FBXO11: variants seen among roughly 807,000 people sequenced by gnomAD.
FBXO11 encodes the protein F-box only protein 11.
FBXO11 carries 13 observed loss-of-function variants against 117.0 expected under a neutral mutation model. The observed-to-expected ratio is 0.11, with a 90% CI of 0.07 to 0.18. The LOEUF is 0.18. Among genes scored for constraint, FBXO11 ranks in the 10% least tolerant of loss-of-function variants. The probability of loss-of-function intolerance (pLI) is 1.00; values close to 1 mark genes in which losing one functional copy is unlikely to be tolerated. For missense variants in FBXO11, 767 were observed against 1,164.4 expected (o/e 0.66, Z 4.97); for synonymous variants, 490 against 380.5 (o/e 1.29, Z -3.35).
chr2:47,867,739 G>A (rs368585709), intron 1 of FBXO11, among the ~76,000 whole-genome samples: 10 of 151,972 alleles, frequency 6.6e-5, no homozygotes, highest in Non-Finnish European at 1.2e-4. Context: ...ATAAAGAACT[G>A]ACACACATTA....
At chr2:47,825,714 C>A (rs1671703523) in intron 11 of FBXO11, among the ~76,000 whole-genome samples, 1 of 151,770 alleles carries the variant, frequency 6.6e-6, no homozygotes, top group African/African-American at 2.4e-5. Context: ...GTAGCTGAGA[C>A]CACGGGTGCA....
intron 13 of FBXO11, among the ~76,000 whole-genome samples, chr2:47,821,019 G>C (rs1046975552): frequency 6.6e-5 from 10 of 152,134 alleles, no homozygotes. Context: ...TCTCTAATTA[G>C]CACAAAGTAT....
At chr2:47,846,114 G>C (rs1244702415) in intron 1 of FBXO11, among the ~76,000 whole-genome samples, 2 of 152,196 alleles carry the variant, frequency 1.3e-5, no homozygotes, top group Admixed American at 6.5e-5. Context: ...TCCAACCCAA[G>C]AAACACGAAA....
At chr2:47,830,776 C>G (rs1334226068) in intron 11 of FBXO11, among the ~76,000 whole-genome samples, 1 of 152,092 alleles carries the variant, frequency 6.6e-6, no homozygotes, top group Non-Finnish European at 1.5e-5. Context: ...AAGGGACCAT[C>G]CCATCACCAG....
chr2:47,896,731 G>C (rs888746210), intron 1 of FBXO11, among the ~76,000 whole-genome samples: 5 of 152,194 alleles, frequency 3.3e-5, no homozygotes, highest in African/African-American at 1.2e-4. Context: ...GTCTTTCAGA[G>C]AATTAATGAA....
chr2:47,818,888 A>G, intron 15 of FBXO11, 24 bp from the exon 16 acceptor site: 4 of 1,556,348 alleles, frequency 2.6e-6, no homozygotes, highest in Non-Finnish European at 3.5e-6. Context: ...AAAAAAAAAA[A>G]GCTTTTTCAA....
At position 47,807,093 on chromosome 2, in the gene FBXO11, C is replaced by T; in HGVS notation, c.*1025G>A. 1 of 516,070 alleles carries T rather than the reference C, an allele frequency of 1.9e-6. No homozygotes were observed. The highest frequency in any genetic ancestry group is 3.4e-6 in the Non-Finnish European group (1 of 291,376). 32.0% of individuals were successfully genotyped at this position (516,070 alleles called of 1,614,324 possible). A position where few individuals can be genotyped will look rare whatever the true frequency, so the allele number is the denominator to read the frequency against. Reference sequence around the variant, plus strand: ...ATACACTTTCAGGCTGTTTTATACCCACTGTCACCAATACACATAAATGGG... The same window carrying T: ...ATACACTTTCAGGCTGTTTTATACCTACTGTCACCAATACACATAAATGGG... On this transcript the variant is annotated 3_prime_UTR_variant, in exon 23 of 23. Transcript: ENST00000403359.
chr2:47,819,866 A>G (rs1279811164), intron 14 of FBXO11, among the ~76,000 whole-genome samples: 1 of 152,226 alleles, frequency 6.6e-6, no homozygotes, highest in Non-Finnish European at 1.5e-5. Context: ...GAAATTTCCT[A>G]CATTTTCTTA....
intron 1 of FBXO11, among the ~76,000 whole-genome samples, chr2:47,862,662 C>A (rs1398063738): frequency 6.6e-6 from 1 of 152,138 alleles, no homozygotes; most frequent in Non-Finnish European, 1.5e-5. Flanking sequence ...CTCTCTGGAT[C>A]ATCTTTTAGC....
At chr2:47,821,833 T>G (rs940165199) in intron 13 of FBXO11, among the ~76,000 whole-genome samples, 20 of 152,022 alleles carry the variant, frequency 1.3e-4, no homozygotes, top group African/African-American at 4.8e-4. Flanking sequence ...GACTCACACC[T>G]GCAATCCCAG....
At chr2:47,885,081 A>G (rs528013731) in intron 1 of FBXO11, among the ~76,000 whole-genome samples, 20 of 152,322 alleles carry the variant, frequency 1.3e-4, no homozygotes, top group African/African-American at 4.6e-4. Context: ...TATCAAATAA[A>G]TATTAACTGG....
chr2:47,854,559 CAA>C (rs1558444600), intron 1 of FBXO11, among the ~76,000 whole-genome samples: 1 of 151,960 alleles, frequency 6.6e-6, no homozygotes, highest in East Asian at 1.9e-4. Flanking sequence ...CTGGACAAGT[CAA>C]TTAACCTCTC....
At position 47,860,521 on chromosome 2, in the gene FBXO11, C is replaced by G. The variant is rs1674680152; in HGVS notation, c.233-20752G>C. ...CGCCTCCCAGGTTCAAGCAATTCTC[C>G]TGCCTTAGCATCCCAAGTAGCTGGG... On this transcript the variant is annotated intron_variant, in intron 1 of 22. Transcript: ENST00000403359. Among the ~76,000 whole-genome samples the G allele has an allele frequency of 3.9e-5, 6 of 151,956 alleles. No individual in the cohort carries two copies. The South Asian group carries it at 1.2e-3, about 32-fold the overall frequency.
At chr2:47,862,065 A>G (rs113001958) in intron 1 of FBXO11, among the ~76,000 whole-genome samples, 2,123 of 152,120 alleles carry the variant, frequency 0.014, 40 homozygotes, top group African/African-American at 0.046. Flanking sequence ...GGCGCACGCT[A>G]CCATGCCTGG....
In FBXO11 at chr2:47,838,891, G is replaced by A. The variant is rs778027742; in HGVS notation, c.555C>T (p.Arg185=). The A allele has an allele frequency of 1.2e-5, 20 of 1,613,806 alleles. No individual in the cohort carries two copies. Among genetic ancestry groups the A allele is most frequent in the African/African-American group, 2.7e-5 (2 of 74,944 alleles). Residue 185 remains arginine (R), a synonymous_variant, in exon 4 of 23, where the codon CGC becomes CGT. Coordinates refer to ENST00000403359, the MANE Select transcript of FBXO11 (RefSeq NM_001190274.2). The stretch of plus-strand genomic sequence containing the variant: ...TTGGATCATTAGCAAGTTCACTGAA[G>A]CGTTTACATACACAAGCTGCTCTAC... The part of the protein sequence containing the change: ...DLCRAACVCK[R]FSELANDPIL...
intron 1 of FBXO11, among the ~76,000 whole-genome samples, chr2:47,903,509 A>C (rs1010242692): frequency 2.6e-5 from 4 of 152,250 alleles, no homozygotes; most frequent in Admixed American, 6.5e-5. Context: ...ATAGAAATGA[A>C]AATAGACCTC....
chr2:47,903,800 G>A (rs76789493), intron 1 of FBXO11, among the ~76,000 whole-genome samples: 21,819 of 152,066 alleles, frequency 0.14, 1,699 homozygotes, highest in Non-Finnish European at 0.17. Context: ...CAGCTGTACT[G>A]CATACAGTGG....
chr2:47,848,449 A>C (rs999016521), intron 1 of FBXO11, among the ~76,000 whole-genome samples: 9 of 152,176 alleles, frequency 5.9e-5, no homozygotes, highest in African/African-American at 9.7e-5. Flanking sequence ...TTTCATCCTG[A>C]AACCACCCAC....
intron 11 of FBXO11, 21 bp downstream of exon 11, chr2:47,832,328 A>G (rs764815168): frequency 5.2e-6 from 8 of 1,552,868 alleles, no homozygotes; most frequent in African/African-American, 1.4e-5. Context: ...CCGTTTTTCT[A>G]TTAAAAATAA....
Sources: gnomAD v4.1 joint callset for allele counts (sites outside exome capture counted in the v4.1 genomes callset) on GRCh38, gnomAD v4.1.1 for gene constraint, MANE v1.5 for transcripts, NCBI Gene and HGNC (gene_info 2026-07-23, HGNC 2026-07-21) for gene names.